The following MEGF11 variants were observed in gnomAD, a reference collection of about 807,000 sequenced individuals.
MEGF11 encodes the protein multiple epidermal growth factor-like domains protein 11.
MEGF11 carries 126 observed loss-of-function variants against 146.6 expected under a neutral mutation model. The observed-to-expected ratio is 0.86, with a 90% CI of 0.74 to 1.00. The LOEUF (loss-of-function observed/expected upper bound fraction) is 1.00, where lower values mean the gene tolerates loss of function less well. Among genes scored for constraint, MEGF11 ranks in the 50% least tolerant of loss-of-function variants. The pLI, the probability that MEGF11 is intolerant of heterozygous loss-of-function variation, is 0.00. For synonymous variants in MEGF11, 532 were observed against 583.4 expected, an observed-to-expected ratio of 0.91 and a Z score of 1.27; for missense variants, 1,509 against 1,521.2, an observed-to-expected ratio of 0.99 and a Z score of 0.13.
At position 65,922,447 on chromosome 15, in the gene MEGF11, G is replaced by A. The variant is rs11637551; in HGVS notation, c.1848C>T (p.His616=). The part of the protein sequence containing the change: ...QRICPPGFYG[H]GCAQPCPLCV... ...AGAGGGGGCATGGCTGGGCGCAGCC[G>A]TGGCCATAGAACCCAGGGGGGCAGA... The change falls in exon 15 of 26, where the codon CAC becomes CAT. Residue 616 remains histidine, a synonymous_variant. Transcript: ENST00000395614. 0.083 allele frequency: 131,876 copies of A among 1,579,930 alleles called. 6,331 individuals carry two copies. Among genetic ancestry groups the A allele is most frequent in the Non-Finnish European group, 0.098 (113,574 of 1,163,672 alleles).
At chr15:66,129,559 T>C (rs1018525220) in intron 1 of MEGF11, among the ~76,000 whole-genome samples, 21 of 152,212 alleles carry the variant, frequency 1.4e-4, no homozygotes, top group Admixed American at 1.0e-3. Flanking sequence ...AGAAAATATT[T>C]TGACATTGGA....
intron 9 of MEGF11, among the ~76,000 whole-genome samples, chr15:65,960,428 C>T (rs905932970): frequency 1.3e-5 from 2 of 152,242 alleles, no homozygotes; most frequent in South Asian, 4.1e-4. Context: ...CAGCGACCTG[C>T]GTGGGTATCG....
intron 15 of MEGF11, chr15:65,922,113 A>G: frequency 1.7e-6 from 1 of 581,058 alleles, no homozygotes; most frequent in Non-Finnish European, 3.1e-6. Context: ...GCTAGCTGCG[A>G]AATCACAGAC....
chr15:65,916,917 G>A lies in MEGF11; in HGVS notation c.2126C>T (p.Ala709Val). The stretch of plus-strand genomic sequence containing the variant: ...GCTCGCCCCGTTGTGGCAGCTGCAT[G>A]CGTGGAAGCAGGCGGGGCCCCAGAA... Reference protein sequence around the residue: ...PGFWGPACFHACSCHNGASCS... With the variant: ...PGFWGPACFHVCSCHNGASCS... The change falls in exon 17 of 26, where the codon GCA (alanine) becomes GTA (valine). Residue 709 changes from alanine to valine, a missense_variant. Physicochemically the swap from Ala to Val is moderately conservative, Grantham distance 64. Coordinates refer to ENST00000395614, the MANE Select transcript of MEGF11 (RefSeq NM_001385028.1). The A allele has an allele frequency of 6.4e-7, 1 of 1,569,490 alleles. No individual in the cohort carries two copies. Among genetic ancestry groups the A allele is most frequent in the South Asian group, 1.2e-5 (1 of 85,042 alleles).
intron 5 of MEGF11, among the ~76,000 whole-genome samples, chr15:66,037,034 T>A (rs148679557): frequency 1.6e-4 from 25 of 152,374 alleles, no homozygotes; most frequent in Non-Finnish European, 3.2e-4. Context: ...TAACCTACGC[T>A]GTCTCTTAGA....
intron 1 of MEGF11, among the ~76,000 whole-genome samples, chr15:66,150,693 G>A (rs1256480179): frequency 2.6e-5 from 4 of 152,074 alleles, no homozygotes; most frequent in Non-Finnish European, 5.9e-5. Flanking sequence ...TTTAGCATAT[G>A]AGGGCAAGAA....
intron 1 of MEGF11, among the ~76,000 whole-genome samples, chr15:66,192,961 C>T (rs1157977616): frequency 6.6e-6 from 1 of 152,216 alleles, no homozygotes; most frequent in Non-Finnish European, 1.5e-5. Context: ...AGCACCAAGG[C>T]AGCACCAAGG....
At chr15:66,204,040 T>C (rs1441054329) in intron 1 of MEGF11, among the ~76,000 whole-genome samples, 9 of 151,684 alleles carry the variant, frequency 5.9e-5, no homozygotes, top group Non-Finnish European at 1.2e-4. Flanking sequence ...CCCAGGTGTT[T>C]GAGACTAGCC....
chr15:65,902,261 CA>C (rs963854848), intron 24 of MEGF11: 5 of 152,154 alleles, frequency 3.3e-5, no homozygotes, highest in African/African-American at 1.2e-4. Flanking sequence ...TTTGGGGAAT[CA>C]ATTGTTGGCT....
chr15:66,113,576 T>C (rs1392528120), intron 4 of MEGF11, among the ~76,000 whole-genome samples: 4 of 152,186 alleles, frequency 2.6e-5, no homozygotes, highest in African/African-American at 9.6e-5. Flanking sequence ...ATGCACCTGC[T>C]GGGCCTCTTT....
intron 5 of MEGF11, among the ~76,000 whole-genome samples, chr15:66,001,960 G>T (rs1712023139): frequency 6.6e-6 from 1 of 152,172 alleles, no homozygotes; most frequent in Non-Finnish European, 1.5e-5. Context: ...CTGGGTCAGG[G>T]CTGGCAGGGG....
intron 5 of MEGF11, among the ~76,000 whole-genome samples, chr15:66,042,455 T>G (rs1162740063): frequency 2.0e-5 from 3 of 152,164 alleles, no homozygotes; most frequent in Non-Finnish European, 2.9e-5. Flanking sequence ...GAGCTGTGAA[T>G]GGAGGCCAAG....
intron 4 of MEGF11, among the ~76,000 whole-genome samples, chr15:66,111,154 A>G (rs1251466763): frequency 2.0e-5 from 3 of 152,228 alleles, no homozygotes; most frequent in Non-Finnish European, 4.4e-5. Flanking sequence ...GGCAGTAACA[A>G]TAATGCTCAC....
chr15:65,930,285 A>C (rs984081822), intron 11 of MEGF11, among the ~76,000 whole-genome samples: 1 of 152,012 alleles, frequency 6.6e-6, no homozygotes, highest in Non-Finnish European at 1.5e-5. Context: ...TTCCCTGTTC[A>C]TGGTGGGGGC....
At chr15:66,200,949 G>A (rs1315531755) in intron 1 of MEGF11, among the ~76,000 whole-genome samples, 1 of 151,982 alleles carries the variant, frequency 6.6e-6, no homozygotes, top group African/African-American at 2.4e-5. Flanking sequence ...CCTCCCCACT[G>A]CCAAACAGAA....
chr15:65,968,051 G>A (rs181683887), intron 8 of MEGF11, among the ~76,000 whole-genome samples: 1 of 152,286 alleles, frequency 6.6e-6, no homozygotes, highest in African/African-American at 2.4e-5. Flanking sequence ...TTGTCTTTCT[G>A]CAAATCTTGT....
intron 5 of MEGF11, among the ~76,000 whole-genome samples, chr15:66,052,530 C>T (rs970496840): frequency 7.9e-5 from 12 of 152,226 alleles, no homozygotes; most frequent in Non-Finnish European, 1.0e-4. Flanking sequence ...CAACTTGAAA[C>T]GACTTTTCCC....
At chr15:66,123,800 A>T in intron 3 of MEGF11, 99 bp downstream of exon 3, 1 of 930,898 alleles carries the variant, frequency 1.1e-6, no homozygotes, top group Non-Finnish European at 1.7e-6. Context: ...GAGGCGCGTG[A>T]CAACATCTGC....
At chr15:66,209,475 G>A (rs1488290022) in intron 1 of MEGF11, among the ~76,000 whole-genome samples, 3 of 152,136 alleles carry the variant, frequency 2.0e-5, no homozygotes, top group Non-Finnish European at 4.4e-5. Flanking sequence ...GTTGATAGTA[G>A]CTTTATTTGT....
Sources: allele counts gnomAD v4.1 joint callset (sites outside exome capture counted in the v4.1 genomes callset), GRCh38; gene constraint gnomAD v4.1.1; transcripts MANE v1.5; gene names NCBI Gene and HGNC (gene_info 2026-07-23, HGNC 2026-07-21).